Variants in TNS3 observed in about 807,000 individuals in gnomAD.
The protein encoded by TNS3 is tensin 3.
TNS3 carries 45 observed loss-of-function variants against 140.9 expected under a neutral mutation model. The ratio of observed to expected loss-of-function variants is 0.32; its 90% CI spans 0.25 to 0.41. The LOEUF (loss-of-function observed/expected upper bound fraction) is 0.41. TNS3 is among the 10% of genes least tolerant of loss of function. The pLI is 1.00. For synonymous variants in TNS3, 815 were observed against 788.4 expected, an observed-to-expected ratio of 1.03 and a Z score of -0.56; for missense variants, 1,716 against 1,906.7, an observed-to-expected ratio of 0.90 and a Z score of 1.86.
chr7:47,556,104 C>T (rs184191460), intron 1 of TNS3, among the ~76,000 whole-genome samples: 72 of 152,278 alleles, frequency 4.7e-4, no homozygotes, highest in African/African-American at 1.7e-3. Flanking sequence ...CGCATATAAA[C>T]ACACACAAAG....
At chr7:47,456,295 G>C (rs779605381) in intron 4 of TNS3, among the ~76,000 whole-genome samples, 2 of 152,064 alleles carry the variant, frequency 1.3e-5, no homozygotes, top group East Asian at 3.9e-4. Flanking sequence ...ATCAGCAATG[G>C]GGGGAGTATT....
At chr7:47,339,732 G>GA (rs1291680482) in intron 20 of TNS3, among the ~76,000 whole-genome samples, 1 of 152,188 alleles carries the variant, frequency 6.6e-6, no homozygotes, top group East Asian at 1.9e-4. Context: ...AAATCTTGCT[G>GA]AGATTTTGAT....
rs2177794 is a variant in TNS3, at chr7:47,297,297, C to T, written c.3545-84G>A. The T allele has an allele frequency of 2.6e-4, 314 of 1,201,726 alleles. No individual in the cohort carries two copies. The Middle Eastern group carries it at 2.7e-3, about 10-fold the overall frequency. The allele number at this position is 1,201,726 out of a possible 1,614,324, so 74.4% of individuals were successfully genotyped here. A position where few individuals can be genotyped will look rare whatever the true frequency, so the allele number is the denominator to read the frequency against. On this transcript the variant is annotated intron_variant, in intron 23 of 30. Coordinates refer to ENST00000311160, the MANE Select transcript of TNS3 (RefSeq NM_022748.12). ...ACTCATAACCTTGGGTAGGTCCTCT[C>T]CCCTTACTCTTTTTGCAAACTGGAT...
intron 1 of TNS3, among the ~76,000 whole-genome samples, chr7:47,555,604 G>A (rs1425624493): frequency 6.6e-6 from 1 of 152,132 alleles, no homozygotes; most frequent in Non-Finnish European, 1.5e-5. Context: ...TTATTTTAAG[G>A]AATTGCCACA....
chr7:47,503,812 A>T (rs1297127645), intron 3 of TNS3, among the ~76,000 whole-genome samples: 4 of 152,132 alleles, frequency 2.6e-5, no homozygotes, highest in African/African-American at 9.7e-5. Context: ...GCACCAGCAG[A>T]TTCAGTGTCT....
At chr7:47,319,545 A>G (rs1787608385) in intron 20 of TNS3, among the ~76,000 whole-genome samples, 1 of 152,100 alleles carries the variant, frequency 6.6e-6, no homozygotes, top group Non-Finnish European at 1.5e-5. Context: ...ATCTGCCCCC[A>G]TGGAGGGGAC....
intron 3 of TNS3, among the ~76,000 whole-genome samples, chr7:47,489,106 AT>A (rs1797716276): frequency 6.6e-6 from 1 of 152,048 alleles, no homozygotes; most frequent in African/African-American, 2.4e-5. Context: ...AAGCTCTGTT[AT>A]CCCACTAAGC....
At chr7:47,342,105 G>C (rs1789052831) in intron 20 of TNS3, among the ~76,000 whole-genome samples, 1 of 152,062 alleles carries the variant, frequency 6.6e-6, no homozygotes, top group African/African-American at 2.4e-5. Flanking sequence ...TTAGTCCTCT[G>C]AAGATTGTTT....
intron 17 of TNS3, among the ~76,000 whole-genome samples, chr7:47,355,617 C>G (rs1240132646): frequency 6.6e-6 from 1 of 152,162 alleles, no homozygotes; most frequent in African/African-American, 2.4e-5. Flanking sequence ...GATCGCTTAG[C>G]CAGAAAATGT....
intron 4 of TNS3, among the ~76,000 whole-genome samples, chr7:47,452,468 G>A (rs1190107812): frequency 6.6e-6 from 1 of 152,330 alleles, no homozygotes; most frequent in African/African-American, 2.4e-5. Flanking sequence ...AAGTCATCTT[G>A]TCATTTTACC....
At chr7:47,395,908 T>A (rs1792802649) in intron 16 of TNS3, among the ~76,000 whole-genome samples, 1 of 152,218 alleles carries the variant, frequency 6.6e-6, no homozygotes, top group Non-Finnish European at 1.5e-5. Flanking sequence ...AGGAGCCATG[T>A]GCTGCCCTGG....
chr7:47,517,787 G>A (rs900699796), intron 2 of TNS3, among the ~76,000 whole-genome samples: 8 of 152,096 alleles, frequency 5.3e-5, no homozygotes, highest in South Asian at 2.1e-4. Flanking sequence ...AGGTGCAGCG[G>A]GAGCCTAAAG....
chr7:47,460,249 T>TAGGACAC (rs1796433601), intron 4 of TNS3, among the ~76,000 whole-genome samples: 1 of 145,832 alleles, frequency 6.9e-6, no homozygotes, highest in Admixed American at 6.8e-5. Context: ...AAGAGGAGAT[T>TAGGACAC]AGGACACAGA....
At position 47,277,790 on chromosome 7, in the gene TNS3, C is replaced by A. The variant is rs759048023; in HGVS notation, c.*286G>T. On this transcript the variant is annotated 3_prime_UTR_variant, in exon 31 of 31. Coordinates refer to ENST00000311160, the MANE Select transcript of TNS3 (RefSeq NM_022748.12). ...TTCTGTGCTGTTTCCTTGCATGTCCCTTTCCCATGGGGACCCTAGGGGGTG... is the reference window on the plus strand; with the variant it reads ...TTCTGTGCTGTTTCCTTGCATGTCCATTTCCCATGGGGACCCTAGGGGGTG... The A allele has an allele frequency of 1.7e-5, 8 of 476,382 alleles. No homozygotes were observed. Among genetic ancestry groups the A allele is most frequent in the East Asian group, 4.2e-5 (1 of 23,812 alleles). The allele number at this position is 476,382 out of a possible 1,614,324, so 29.5% of individuals were successfully genotyped here. A position where few individuals can be genotyped will look rare whatever the true frequency, so the allele number is the denominator to read the frequency against.
intron 13 of TNS3, chr7:47,405,447 T>C (rs550656810): frequency 8.6e-6 from 6 of 695,548 alleles, no homozygotes; most frequent in East Asian, 2.7e-5. Flanking sequence ...AAAAGTTAGA[T>C]AGCTAAGCCC....
intron 20 of TNS3, among the ~76,000 whole-genome samples, chr7:47,307,663 CTG>C (rs1162146990): frequency 6.6e-6 from 1 of 152,180 alleles, no homozygotes; most frequent in Admixed American, 6.5e-5. Context: ...TGGTATAACA[CTG>C]TGTTTTTAAT....
At chr7:47,291,885 AG>A (rs1362792215) in intron 27 of TNS3, 69 bp downstream of exon 27, 3 of 1,521,148 alleles carry the variant, frequency 2.0e-6, no homozygotes, top group Non-Finnish European at 2.7e-6. Flanking sequence ...GAAGTGCAAA[AG>A]GAAGTTGTGT....
At chr7:47,488,863 G>A (rs1481445278) in intron 3 of TNS3, among the ~76,000 whole-genome samples, 2 of 152,212 alleles carry the variant, frequency 1.3e-5, no homozygotes, top group Non-Finnish European at 2.9e-5. Flanking sequence ...TTTTCCAATG[G>A]TGCCTGGGGA....
At chr7:47,405,183 T>C (rs867096508) in intron 13 of TNS3, among the ~76,000 whole-genome samples, 17 of 152,174 alleles carry the variant, frequency 1.1e-4, no homozygotes, top group South Asian at 2.1e-4. Context: ...GCCCCAGGAA[T>C]GCCAGTCCCC....
Sources: allele counts gnomAD v4.1 joint callset (sites outside exome capture counted in the v4.1 genomes callset), GRCh38; gene constraint gnomAD v4.1.1; transcripts MANE v1.5; gene names NCBI Gene and HGNC (gene_info 2026-07-23, HGNC 2026-07-21).